The following CHST15 variants were observed in gnomAD, a reference collection of about 807,000 sequenced individuals.
CHST15 encodes the protein B cell RAG associated protein (GALNAC4S-6ST).
A neutral mutation model predicts 53.6 loss-of-function variants in CHST15; 30 were observed. That is an observed-to-expected ratio of 0.56 (90% CI 0.42 to 0.76). CHST15 has a LOEUF of 0.76. Ranked by LOEUF, CHST15 falls within the 30% of genes least tolerant of loss-of-function variation. The probability of loss-of-function intolerance (pLI) is 0.00; values close to 1 mark genes in which losing one functional copy is unlikely to be tolerated. For synonymous variants in CHST15, 296 were observed against 289.8 expected (o/e 1.02, Z -0.22); for missense variants, 627 against 740.5 (o/e 0.85, Z 1.78).
rs979295847 is a variant in CHST15, at chr10:124,007,763, G to A, written c.*2386C>T. The A allele has an allele frequency of 9.7e-6, 12 of 1,231,006 alleles. No homozygotes were observed. Among genetic ancestry groups the A allele is most frequent in the Middle Eastern group, 6.2e-4 (2 of 3,230 alleles). 76.3% of individuals were successfully genotyped at this position (1,231,006 alleles called of 1,614,324 possible). A position where few individuals can be genotyped will look rare whatever the true frequency, so the allele number is the denominator to read the frequency against. On this transcript the variant is annotated 3_prime_UTR_variant, in exon 8 of 8. Coordinates refer to ENST00000435907, the MANE Select transcript of CHST15 (RefSeq NM_001270764.2). ...ATTAATAAAAGTACAGCGTAACTGCGATTCACTTAACATACCTTACAGGAC... is the reference window on the plus strand; with the variant it reads ...ATTAATAAAAGTACAGCGTAACTGCAATTCACTTAACATACCTTACAGGAC...
In CHST15 at chr10:124,008,176, A is replaced by G; in HGVS notation, c.*1973T>C. The G allele has an allele frequency of 2.4e-6, 3 of 1,230,280 alleles. No homozygotes were observed. Among genetic ancestry groups the G allele is most frequent in the Non-Finnish European group, 3.0e-6 (3 of 987,300 alleles). 76.2% of individuals were successfully genotyped at this position (1,230,280 alleles called of 1,614,324 possible). Reference sequence around the variant, plus strand: ...ACATGCATAGGAGTGCATAAGAAAAATCCCTTGTTGTAATTATGGTTGGTG... The same window carrying G: ...ACATGCATAGGAGTGCATAAGAAAAGTCCCTTGTTGTAATTATGGTTGGTG... On this transcript the variant is annotated 3_prime_UTR_variant, in exon 8 of 8. Transcript: ENST00000435907.
At chr10:124,092,984 G>C (rs1949650216) in intron 1 of CHST15, among the ~76,000 whole-genome samples, 1 of 152,160 alleles carries the variant, frequency 6.6e-6, no homozygotes, top group Non-Finnish European at 1.5e-5. Context: ...GGCTATCCAC[G>C]GCGCCACCAC....
At chr10:124,077,445 C>G (rs1949113132) in intron 1 of CHST15, among the ~76,000 whole-genome samples, 1 of 152,192 alleles carries the variant, frequency 6.6e-6, no homozygotes, top group African/African-American at 2.4e-5. Context: ...GAGTCCAGAC[C>G]ATCCCTGAGG....
chr10:124,020,622 G>A (rs970205169), intron 6 of CHST15: 2 of 987,416 alleles, frequency 2.0e-6, no homozygotes, highest in East Asian at 1.1e-4. Context: ...TCTGGAACAC[G>A]CAGCGGCAAT....
intron 1 of CHST15, among the ~76,000 whole-genome samples, chr10:124,050,060 GAA>G (rs899341217): frequency 6.6e-6 from 1 of 152,014 alleles, no homozygotes; most frequent in African/African-American, 2.4e-5. Flanking sequence ...GCCTCTCTGA[GAA>G]AAAAACATAA....
At chr10:124,086,946 C>T (rs1949447862) in intron 1 of CHST15, among the ~76,000 whole-genome samples, 1 of 152,170 alleles carries the variant, frequency 6.6e-6, no homozygotes, top group Non-Finnish European at 1.5e-5. Context: ...CTGCCCTGCC[C>T]CACCCAGTGC....
intron 1 of CHST15, among the ~76,000 whole-genome samples, chr10:124,092,782 G>A (rs534182278): frequency 3.3e-5 from 5 of 152,358 alleles, no homozygotes; most frequent in African/African-American, 1.2e-4. Flanking sequence ...AGGCTGGGGG[G>A]AATCCCCGTC....
At chr10:124,083,549 C>A (rs1949319575) in intron 1 of CHST15, among the ~76,000 whole-genome samples, 1 of 152,114 alleles carries the variant, frequency 6.6e-6, no homozygotes, top group South Asian at 2.1e-4. Context: ...CTCACAGTCA[C>A]CCAGCTCCCA....
Position 124,042,442 on chromosome 10 carries a change from C to A in CHST15, c.892G>T (p.Val298Phe). ...HWWTRKRFGI[V>F]RLRDGLRDRY... ...TCTCGCAGCCCATCTCTTAGGCGGACGATTCCTATGAGAACCAAGAAGCAG... is the reference window on the plus strand; with the variant it reads ...TCTCGCAGCCCATCTCTTAGGCGGAAGATTCCTATGAGAACCAAGAAGCAG... The change falls in exon 4 of 8, where the codon GTC (valine) becomes TTC (phenylalanine). Residue 298 changes from valine to phenylalanine, a missense_variant. This residue lies in a region of CHST15 where 279 missense variants were observed against 371.6 expected (regional missense o/e 0.75). Coordinates refer to ENST00000435907, the MANE Select transcript of CHST15 (RefSeq NM_001270764.2). The A allele has an allele frequency of 6.2e-7, 1 of 1,613,896 alleles. No homozygotes were observed. Among genetic ancestry groups the A allele is most frequent in the South Asian group, 1.1e-5 (1 of 91,058 alleles).
chr10:124,082,200 G>C (rs1176162228), intron 1 of CHST15, among the ~76,000 whole-genome samples: 1 of 152,184 alleles, frequency 6.6e-6, no homozygotes, highest in Non-Finnish European at 1.5e-5. Context: ...ACCACCATCT[G>C]TTCACCCAAC....
intron 5 of CHST15, among the ~76,000 whole-genome samples, chr10:124,029,181 GA>G (rs1398859383): frequency 6.6e-6 from 1 of 151,938 alleles, no homozygotes; most frequent in Non-Finnish European, 1.5e-5. Flanking sequence ...TTCCTACCAG[GA>G]AAAAAAGGCC....
chr10:124,048,061 C>T (rs907214209), intron 1 of CHST15, among the ~76,000 whole-genome samples: 1 of 152,182 alleles, frequency 6.6e-6, no homozygotes, highest in Non-Finnish European at 1.5e-5. Context: ...GTTCATGCCC[C>T]TTGGACTGAA....
rs558662996 is a variant in CHST15 at position 124,015,919 on chromosome 10, T to C, written c.1348-3439A>G. Among the ~76,000 whole-genome samples the C allele has an allele frequency of 1.1e-4, 16 of 152,250 alleles. No homozygotes were observed. In the East Asian group the frequency reaches 2.9e-3, roughly 28 times the overall value. On this transcript the variant is annotated intron_variant, in intron 6 of 7. Transcript: ENST00000435907. ...CCAGAGGGCACGAAGGAGGGAGTGGTGACGAGCCCTGGTGGCTCTCCAACC... is the reference window on the plus strand; with the variant it reads ...CCAGAGGGCACGAAGGAGGGAGTGGCGACGAGCCCTGGTGGCTCTCCAACC...
chr10:124,084,910 C>T (rs1949370397), intron 1 of CHST15, among the ~76,000 whole-genome samples: 1 of 152,188 alleles, frequency 6.6e-6, no homozygotes, highest in Admixed American at 6.5e-5. Flanking sequence ...ACCCCACCGC[C>T]CTGAGCCGCT....
intron 1 of CHST15, among the ~76,000 whole-genome samples, chr10:124,050,901 A>C (rs1246727231): frequency 6.6e-6 from 1 of 152,072 alleles, no homozygotes; most frequent in Non-Finnish European, 1.5e-5. Context: ...GGCCAAAGTC[A>C]GGGGTGGGAT....
At chr10:124,048,680 A>G (rs542181567) in intron 1 of CHST15, among the ~76,000 whole-genome samples, 1 of 152,208 alleles carries the variant, frequency 6.6e-6, no homozygotes, top group Non-Finnish European at 1.5e-5. Context: ...AGACAGGGCC[A>G]AGCCGGGGTT....
intron 1 of CHST15, among the ~76,000 whole-genome samples, chr10:124,077,745 G>A (rs1170281976): frequency 1.3e-5 from 2 of 152,160 alleles, no homozygotes; most frequent in Non-Finnish European, 2.9e-5. Flanking sequence ...TCGTTCCGGT[G>A]GCATCTCACA....
At chr10:124,021,069 G>A in intron 6 of CHST15, 187 bp downstream of exon 6, 1 of 1,461,822 alleles carries the variant, frequency 6.8e-7, no homozygotes. Flanking sequence ...GCAGGAGCCA[G>A]ACCAAGAGCC....
chr10:124,025,747 T>C (rs1278596670), intron 5 of CHST15, among the ~76,000 whole-genome samples: 5 of 152,166 alleles, frequency 3.3e-5, no homozygotes, highest in African/African-American at 7.2e-5. Context: ...CCAAATCCAA[T>C]GGCAGGTGTC....
Sources: allele counts gnomAD v4.1 joint callset (sites outside exome capture counted in the v4.1 genomes callset), GRCh38; gene constraint gnomAD v4.1.1; regional missense constraint gnomAD v4.1.1; transcripts MANE v1.5; gene names NCBI Gene and HGNC (gene_info 2026-07-23, HGNC 2026-07-21).